The following GPC6 variants were observed in gnomAD, a reference collection of about 807,000 sequenced individuals.
GPC6 encodes the protein glypican 6.
Under a neutral mutation model 55.2 loss-of-function variants are expected in GPC6, and 14 were observed. That is an observed-to-expected ratio of 0.25 (90% CI 0.17 to 0.40). GPC6 has a LOEUF of 0.40. Ranked by LOEUF, GPC6 falls within the 10% of genes least tolerant of loss-of-function variation. The probability of loss-of-function intolerance (pLI) is 1.00; values close to 1 mark genes in which losing one functional copy is unlikely to be tolerated. For synonymous variants in GPC6, 278 were observed against 259.6 expected, an observed-to-expected ratio of 1.07 and a Z score of -0.68; for missense variants, 641 against 708.5, an observed-to-expected ratio of 0.90 and a Z score of 1.08.
At chr13:93,628,710 A>G (rs1032788900) in intron 2 of GPC6, among the ~76,000 whole-genome samples, 3 of 152,224 alleles carry the variant, frequency 2.0e-5, no homozygotes, top group Non-Finnish European at 4.4e-5. Context: ...CCCCAGGACC[A>G]TGATGAAGAA....
At chr13:93,249,203 CGT>C (rs1438877754) in intron 1 of GPC6, among the ~76,000 whole-genome samples, 1 of 152,124 alleles carries the variant, frequency 6.6e-6, no homozygotes, top group Non-Finnish European at 1.5e-5. Flanking sequence ...TCACTGAGGA[CGT>C]ATTTTCACCA....
At chr13:93,471,678 A>G (rs2139329098) in intron 1 of GPC6, among the ~76,000 whole-genome samples, 1 of 143,174 alleles carries the variant, frequency 7.0e-6, no homozygotes, top group East Asian at 2.4e-4. Flanking sequence ...TCAAGTGTTT[A>G]ATGGGAATTT....
chr13:93,752,788 T>C (rs1884642337), intron 2 of GPC6, among the ~76,000 whole-genome samples: 1 of 152,194 alleles, frequency 6.6e-6, no homozygotes, highest in Non-Finnish European at 1.5e-5. Flanking sequence ...ATGTCTTTTA[T>C]TGGGAGACAA....
chr13:93,561,110 T>A (rs967753289), intron 2 of GPC6, among the ~76,000 whole-genome samples: 1 of 152,192 alleles, frequency 6.6e-6, no homozygotes, highest in Non-Finnish European at 1.5e-5. Context: ...TGACTAATGA[T>A]CTTTTTTGTC....
intron 3 of GPC6, among the ~76,000 whole-genome samples, chr13:94,012,649 C>T (rs781724780): frequency 6.6e-6 from 1 of 152,174 alleles, no homozygotes; most frequent in Non-Finnish European, 1.5e-5. Flanking sequence ...ACATTATTCA[C>T]CTCTTACCAT....
At chr13:94,108,614 G>T (rs373963557) in intron 4 of GPC6, among the ~76,000 whole-genome samples, 1 of 152,124 alleles carries the variant, frequency 6.6e-6, no homozygotes, top group African/African-American at 2.4e-5. Context: ...GCCAAGGCGG[G>T]TGGATCAACT....
chr13:93,228,316 GGCCACTCAGGGCCCGGGGACACCCT>G (rs1875884076), intron 1 of GPC6, among the ~76,000 whole-genome samples: 1 of 152,164 alleles, frequency 6.6e-6, no homozygotes, highest in African/African-American at 2.4e-5. Context: ...AGTTGCTGTT[GGCCACTCAGGGCCCGGGGACACCCT>G]GCCACCCGGT....
intron 2 of GPC6, among the ~76,000 whole-genome samples, chr13:93,741,403 C>T (rs1884196437): frequency 6.6e-6 from 1 of 152,124 alleles, no homozygotes; most frequent in African/African-American, 2.4e-5. Flanking sequence ...GCGTGAGCCA[C>T]CGCACCTGGC....
chr13:93,997,892 A>G (rs1033824814), intron 3 of GPC6, among the ~76,000 whole-genome samples: 1 of 152,186 alleles, frequency 6.6e-6, no homozygotes, highest in Admixed American at 6.5e-5. Context: ...ATCAGCGTTG[A>G]GACATGGTTA....
chr13:93,640,758 TCCCTCCTCCCCACTTTCCTTCCC>T (rs1879886154), intron 2 of GPC6, among the ~76,000 whole-genome samples: 1 of 56,466 alleles, frequency 1.8e-5, no homozygotes, highest in Non-Finnish European at 3.0e-5. Flanking sequence ...TTTCCTTCCC[TCCCTCCTCCCCACTTTCCTTCCC>T]TCCCTCCCTT....
At chr13:93,411,730 G>T (rs1043515120) in intron 1 of GPC6, among the ~76,000 whole-genome samples, 1 of 152,132 alleles carries the variant, frequency 6.6e-6, no homozygotes, top group Non-Finnish European at 1.5e-5. Flanking sequence ...CCCAGGTGCA[G>T]TCGCTCACTC....
At chr13:94,387,455 CAATG>C (rs1880457499) in intron 7 of GPC6, among the ~76,000 whole-genome samples, 1 of 152,202 alleles carries the variant, frequency 6.6e-6, no homozygotes, top group Non-Finnish European at 1.5e-5. Flanking sequence ...ATGTGAAGAT[CAATG>C]AGATAATCTC....
chr13:93,422,326 A>AT (rs1288263018), intron 1 of GPC6, among the ~76,000 whole-genome samples: 1 of 152,150 alleles, frequency 6.6e-6, no homozygotes, highest in African/African-American at 2.4e-5. Flanking sequence ...CACAAGTGAG[A>AT]TTTTCTGTCT....
At chr13:94,104,524 A>T (rs993173776) in intron 4 of GPC6, among the ~76,000 whole-genome samples, 1 of 152,184 alleles carries the variant, frequency 6.6e-6, no homozygotes, top group Non-Finnish European at 1.5e-5. Context: ...AGAGGAAGTC[A>T]AATTGTCCCT....
intron 2 of GPC6, among the ~76,000 whole-genome samples, chr13:93,753,931 G>C (rs1036587021): frequency 1.3e-4 from 20 of 152,104 alleles, no homozygotes; most frequent in African/African-American, 4.6e-4. Flanking sequence ...ACAGATGTGA[G>C]CCATTGCACC....
At chr13:93,702,826 T>C (rs190881844) in intron 2 of GPC6, among the ~76,000 whole-genome samples, 7 of 152,110 alleles carry the variant, frequency 4.6e-5, no homozygotes, top group African/African-American at 1.7e-4. Flanking sequence ...CTTCATAGAA[T>C]TGAAGAGAGT....
intron 6 of GPC6, among the ~76,000 whole-genome samples, chr13:94,353,588 TAC>T (rs367731617): frequency 4.8e-4 from 73 of 151,388 alleles, no homozygotes; most frequent in African/African-American, 1.4e-3. Flanking sequence ...TATATATATA[TAC>T]ACACACACAC....
At chr13:93,635,932 A>G (rs148065224) in intron 2 of GPC6, among the ~76,000 whole-genome samples, 1 of 152,234 alleles carries the variant, frequency 6.6e-6, no homozygotes, top group Non-Finnish European at 1.5e-5. Flanking sequence ...CCATTCCCCT[A>G]CATTGACTAA....
At chr13:93,476,474 CA>C (rs1204637118) in intron 1 of GPC6, among the ~76,000 whole-genome samples, 1 of 152,060 alleles carries the variant, frequency 6.6e-6, no homozygotes, top group Admixed American at 6.6e-5. Context: ...AATAACAATC[CA>C]ACTGCGGGGT....
Sources: gnomAD v4.1 joint callset for allele counts (sites outside exome capture counted in the v4.1 genomes callset) on GRCh38, gnomAD v4.1.1 for gene constraint, MANE v1.5 for transcripts, NCBI Gene and HGNC (gene_info 2026-07-23, HGNC 2026-07-21) for gene names.